Variants in CDIN1 observed in about 807,000 individuals in gnomAD.
CDIN1 encodes CDAN1 interacting nuclease 1.
In CDIN1, 33 loss-of-function variants were observed where a neutral mutation model predicts 45.3. The observed-to-expected ratio is 0.73, with a 90% CI of 0.55 to 0.97. CDIN1 has a LOEUF of 0.97. CDIN1 is among the 50% of genes least tolerant of loss of function. The probability of loss-of-function intolerance (pLI) is 0.00; values close to 1 mark genes in which losing one functional copy is unlikely to be tolerated. For missense variants in CDIN1, 303 were observed against 339.4 expected (o/e 0.89, Z 0.84); for synonymous variants, 118 against 124.4 (o/e 0.95, Z 0.34).
chr15:36,775,041 C>T (rs2054184268), intron 10 of CDIN1, among the ~76,000 whole-genome samples: 1 of 152,088 alleles, frequency 6.6e-6, no homozygotes, highest in Admixed American at 6.5e-5. Flanking sequence ...TGGTTTGGCT[C>T]AGTTGGAAAT....
chr15:36,632,654 C>T (rs1232214268), intron 1 of CDIN1, among the ~76,000 whole-genome samples: 1 of 152,176 alleles, frequency 6.6e-6, no homozygotes, highest in Non-Finnish European at 1.5e-5. Context: ...AGTGTGTACA[C>T]CTTTTCTTCT....
intron 10 of CDIN1, among the ~76,000 whole-genome samples, chr15:36,803,236 C>T (rs1227122479): frequency 2.0e-5 from 3 of 150,350 alleles, no homozygotes; most frequent in Admixed American, 6.7e-5. Flanking sequence ...TTTATGTAAC[C>T]TTAGCATCCT....
intron 1 of CDIN1, among the ~76,000 whole-genome samples, chr15:36,609,765 G>A (rs2038560154): frequency 6.6e-6 from 1 of 152,136 alleles, no homozygotes; most frequent in African/African-American, 2.4e-5. Context: ...CATGGCCCTG[G>A]GCAAGTCACT....
intron 1 of CDIN1, among the ~76,000 whole-genome samples, chr15:36,591,304 C>G (rs139797029): frequency 6.6e-6 from 1 of 152,260 alleles, no homozygotes; most frequent in East Asian, 1.9e-4. Context: ...TATTACACTG[C>G]TATTTGTTTT....
chr15:36,595,947 T>C (rs1343766903), intron 1 of CDIN1, among the ~76,000 whole-genome samples: 1 of 152,196 alleles, frequency 6.6e-6, no homozygotes, highest in Non-Finnish European at 1.5e-5. Context: ...CCATTGCCAG[T>C]ATATTAAATG....
At chr15:36,651,662 G>C (rs1274748868) in intron 3 of CDIN1, among the ~76,000 whole-genome samples, 1 of 151,954 alleles carries the variant, frequency 6.6e-6, no homozygotes, top group Non-Finnish European at 1.5e-5. Flanking sequence ...CACCTCACTA[G>C]GCCTCGAGGG....
chr15:36,634,777 C>T (rs368261125), intron 1 of CDIN1, among the ~76,000 whole-genome samples: 15 of 152,254 alleles, frequency 9.9e-5, no homozygotes, highest in South Asian at 2.1e-4. Context: ...CAGTTCCTTT[C>T]GCCTTTTTTC....
chr15:36,703,569 G>A lies in CDIN1; in HGVS notation c.545-5654G>A, dbSNP rs111341478. 2.1e-3 allele frequency among the ~76,000 whole-genome samples: 314 copies of A among 151,724 alleles called. 1 individual carries two copies. Among genetic ancestry groups the A allele is most frequent in the African/African-American group, 7.0e-3 (289 of 41,362 alleles). ...GGACAGGATAACATACAGGACAGCA[G>A]AATAAAAAATCTCCCTCTCCCTGCA... On this transcript the variant is annotated intron_variant, in intron 8 of 10. Transcript: ENST00000566621.
At chr15:36,664,416 A>G (rs1409477072) in intron 5 of CDIN1, among the ~76,000 whole-genome samples, 1 of 152,348 alleles carries the variant, frequency 6.6e-6, no homozygotes, top group East Asian at 1.9e-4. Flanking sequence ...AAAATTATTA[A>G]TGATTAAATT....
intron 10 of CDIN1, chr15:36,746,808 T>A: frequency 6.0e-6 from 1 of 165,568 alleles, no homozygotes; most frequent in Non-Finnish European, 1.2e-5. Flanking sequence ...TGCCCAGGAC[T>A]ATGGCTCACT....
At chr15:36,775,899 T>C (rs1331144195) in intron 10 of CDIN1, among the ~76,000 whole-genome samples, 1 of 152,240 alleles carries the variant, frequency 6.6e-6, no homozygotes, top group Non-Finnish European at 1.5e-5. Context: ...TATGTACGTA[T>C]GTATGTATTC....
chr15:36,664,866 G>A (rs1041013214), intron 5 of CDIN1, among the ~76,000 whole-genome samples: 21 of 152,262 alleles, frequency 1.4e-4, no homozygotes, highest in Admixed American at 1.4e-3. Context: ...TTTATTAAGA[G>A]GGAAATATTA....
At chr15:36,726,387 T>C (rs1251212874) in intron 10 of CDIN1, among the ~76,000 whole-genome samples, 2 of 152,162 alleles carry the variant, frequency 1.3e-5, no homozygotes, top group African/African-American at 4.8e-5. Flanking sequence ...TCTTAGATGG[T>C]GTGCTATGAG....
At chr15:36,629,406 A>T (rs1299725354) in intron 1 of CDIN1, among the ~76,000 whole-genome samples, 3 of 152,194 alleles carry the variant, frequency 2.0e-5, no homozygotes, top group Non-Finnish European at 4.4e-5. Context: ...TTACAATATT[A>T]TTTGGTGCTA....
At chr15:36,680,608 A>C (rs969747612) in intron 5 of CDIN1, among the ~76,000 whole-genome samples, 3 of 152,176 alleles carry the variant, frequency 2.0e-5, no homozygotes, top group African/African-American at 7.2e-5. Flanking sequence ...AGATATAGAC[A>C]CGAGGGGCTG....
rs138275371 is a variant in CDIN1, at chr15:36,689,497, G to A, written c.347-2188G>A. The stretch of plus-strand genomic sequence containing the variant: ...CAGAGAAGGTGCTCCTATTTTCTTA[G>A]GCCTCTGCTGGCATTATGGGCAACA... On this transcript the variant is annotated intron_variant, in intron 5 of 10. Transcript: ENST00000566621. 6.9e-3 allele frequency among the ~76,000 whole-genome samples: 1,054 copies of A among 152,184 alleles called. 15 individuals carry two copies. The highest frequency in any genetic ancestry group is 0.024 in the African/African-American group (987 of 41,522).
chr15:36,678,637 A>G (rs1304337620), intron 5 of CDIN1, among the ~76,000 whole-genome samples: 1 of 152,118 alleles, frequency 6.6e-6, no homozygotes, highest in Non-Finnish European at 1.5e-5. Flanking sequence ...CTTCCTTCAC[A>G]CATCCTTTCT....
At chr15:36,791,649 A>G (rs2054648693) in intron 10 of CDIN1, among the ~76,000 whole-genome samples, 1 of 152,130 alleles carries the variant, frequency 6.6e-6, no homozygotes, top group Non-Finnish European at 1.5e-5. Flanking sequence ...GTTATTTAGT[A>G]TCTAGTATTG....
intron 1 of CDIN1, among the ~76,000 whole-genome samples, chr15:36,596,466 C>T (rs182149523): frequency 6.6e-6 from 1 of 151,852 alleles, no homozygotes; most frequent in Non-Finnish European, 1.5e-5. Context: ...TTAGTTACTT[C>T]CAAATTTTTG....
Sources: allele counts gnomAD v4.1 joint callset (sites outside exome capture counted in the v4.1 genomes callset), GRCh38; gene constraint gnomAD v4.1.1; transcripts MANE v1.5; gene names NCBI Gene and HGNC (gene_info 2026-07-23, HGNC 2026-07-21).